Variants in DPF2 observed in about 807,000 individuals in gnomAD.
DPF2 encodes the protein zinc finger protein ubi-d4.
Under a neutral mutation model 59.6 loss-of-function variants are expected in DPF2, and 10 were observed. The ratio of observed to expected loss-of-function variants is 0.17; its 90% confidence interval spans 0.10 to 0.28. The LOEUF (loss-of-function observed/expected upper bound fraction) is 0.28. DPF2 is among the 10% of genes least tolerant of loss of function. DPF2 has a pLI of 1.00. For synonymous variants in DPF2, 189 were observed against 190.6 expected, an observed-to-expected ratio of 0.99 and a Z score of 0.07; for missense variants, 315 against 509.4, an observed-to-expected ratio of 0.62 and a Z score of 3.67.
intron 6 of DPF2, chr11:65,344,670 C>T (rs879583913): frequency 5.9e-6 from 9 of 1,522,270 alleles, no homozygotes; most frequent in Non-Finnish European, 7.9e-6. Context: ...CCCTTTTTCC[C>T]TCTTCCCTTG....
intron 10 of DPF2, 133 bp downstream of exon 10, chr11:65,349,064 GT>G: frequency 2.2e-6 from 2 of 902,776 alleles, no homozygotes; most frequent in Non-Finnish European, 3.4e-6. Context: ...CCTTGGCTCA[GT>G]TTAGAATGCC....
rs753511183 is a variant in DPF2 at position 65,351,744 on chromosome 11, C to T, written c.1161C>T (p.Asn387=). The part of the protein sequence containing the change: ...LLKEKASIYQ[N]QNSS ...AAGAGAAAGCTTCCATCTACCAGAA[C>T]CAGAACTCCTCTTGATGTGGCCACC... The change falls in exon 11 of 11, where the codon AAC becomes AAT. Residue 387 remains asparagine (N), a synonymous_variant. Transcript: ENST00000528416. 3 of 1,613,350 alleles carry T rather than the reference C, an allele frequency of 1.9e-6. No homozygotes were observed. The Admixed American group carries it at 5.0e-5, about 27-fold the overall frequency.
chr11:65,343,874 G>C (rs1854452209), intron 5 of DPF2, 37 bp downstream of exon 5: 3 of 1,582,862 alleles, frequency 1.9e-6, no homozygotes, highest in Admixed American at 3.7e-5. Context: ...CTTGGGACAG[G>C]GTGGCCTAGG....
chr11:65,340,670 C>G (rs2137691768), intron 2 of DPF2, 125 bp downstream of exon 2: 1 of 1,359,308 alleles, frequency 7.4e-7, no homozygotes, highest in East Asian at 2.3e-5. Flanking sequence ...TGAATATGGT[C>G]TTCCTGTGAT....
In DPF2 at chr11:65,333,931, T is replaced by C; in HGVS notation, c.32+13T>C. 6.2e-7 allele frequency: 1 copy of C among 1,611,572 alleles called. No individual in the cohort carries two copies. The highest frequency in any genetic ancestry group is 2.2e-5 in the East Asian group (1 of 44,686). The stretch of plus-strand genomic sequence containing the variant: ...ATGTAGTGAAGCTGTGAGTGGTCGT[T>C]TCTTTCTCTCCTAGGGCGGCAGGTT... On this transcript the variant is annotated intron_variant, in intron 1 of 10. Coordinates refer to ENST00000528416, the MANE Select transcript of DPF2 (RefSeq NM_006268.5).
chr11:65,334,047 G>GCCCTCCCCACC, intron 1 of DPF2, 129 bp downstream of exon 1: 2 of 1,347,430 alleles, frequency 1.5e-6, no homozygotes, highest in Non-Finnish European at 2.1e-6. Context: ...GACTCCTGGT[G>GCCCTCCCCACC]GGGAGGGCAA....
At chr11:65,343,577 G>T (rs1854442467) in intron 4 of DPF2, 168 bp from the exon 5 acceptor site, 3 of 620,902 alleles carry the variant, frequency 4.8e-6, no homozygotes, top group Non-Finnish European at 8.5e-6. Context: ...GTATGGAAGG[G>T]AGCAGGAGCA....
chr11:65,340,025 T>G (rs1854315455), intron 1 of DPF2, among the ~76,000 whole-genome samples: 1 of 152,206 alleles, frequency 6.6e-6, no homozygotes, highest in South Asian at 2.1e-4. Flanking sequence ...GGGACTATCA[T>G]CTGCTTCTTA....
chr11:65,344,602 C>T (rs1854474766), intron 6 of DPF2: 1 of 1,535,862 alleles, frequency 6.5e-7, no homozygotes, highest in Admixed American at 2.0e-5. Context: ...AAAAGCATAC[C>T]TCGAAAGCGC....
chr11:65,345,441 G>T (rs1854499656), intron 6 of DPF2: 2 of 576,056 alleles, frequency 3.5e-6, no homozygotes, highest in Non-Finnish European at 6.1e-6. Context: ...TGGCCATGGG[G>T]TTGGAGTTCA....
intron 1 of DPF2, among the ~76,000 whole-genome samples, chr11:65,335,176 T>A (rs1950080121): frequency 6.6e-6 from 1 of 150,596 alleles, no homozygotes; most frequent in African/African-American, 2.4e-5. Flanking sequence ...ATCTGCCCAC[T>A]CCAGTTTCCC....
At chr11:65,337,856 G>A (rs1415553226) in intron 1 of DPF2, among the ~76,000 whole-genome samples, 1 of 151,992 alleles carries the variant, frequency 6.6e-6, no homozygotes, top group Non-Finnish European at 1.5e-5. Context: ...CCAGGCTGGA[G>A]TGCAATGGCG....
chr11:65,346,213 C>T (rs766152777), intron 8 of DPF2, 34 bp from the exon 9 acceptor site: 30 of 1,608,054 alleles, frequency 1.9e-5, no homozygotes, highest in Admixed American at 1.8e-4. Flanking sequence ...CCCGCATTTC[C>T]GACTGTCTGT....
chr11:65,334,015 A>G (rs944215024), intron 1 of DPF2, 97 bp downstream of exon 1: 21 of 1,527,920 alleles, frequency 1.4e-5, no homozygotes, highest in Non-Finnish European at 1.7e-5. Context: ...AGAGAGGGAC[A>G]TCCCCGGGAA....
intron 3 of DPF2, 98 bp downstream of exon 3, chr11:65,341,171 T>C (rs1854359066): frequency 1.5e-6 from 2 of 1,344,378 alleles, no homozygotes; most frequent in African/African-American, 2.9e-5. Context: ...ATCCCAAATA[T>C]ACTCAAATGA....
intron 1 of DPF2, among the ~76,000 whole-genome samples, chr11:65,337,799 T>G (rs1854247269): frequency 6.6e-6 from 1 of 151,606 alleles, no homozygotes; most frequent in Non-Finnish European, 1.5e-5. Flanking sequence ...GTTTGTTTTG[T>G]TTTTTTTAAT....
chr11:65,349,234 GTAGAT>G (rs1854624117), intron 10 of DPF2, among the ~76,000 whole-genome samples: 2 of 152,200 alleles, frequency 1.3e-5, no homozygotes, highest in Non-Finnish European at 2.9e-5. Flanking sequence ...AACTCAAGTG[GTAGAT>G]TATCTGATGT....
chr11:65,342,532 T>C (rs1191102776), intron 4 of DPF2, among the ~76,000 whole-genome samples: 1 of 152,220 alleles, frequency 6.6e-6, no homozygotes, highest in Non-Finnish European at 1.5e-5. Flanking sequence ...TCCCTGAGGT[T>C]ACACAGTGAA....
intron 4 of DPF2, 61 bp from the exon 5 acceptor site, chr11:65,343,681 CTCA>C (rs1224891905): frequency 6.6e-7 from 1 of 1,520,108 alleles, no homozygotes; most frequent in Non-Finnish European, 8.9e-7. Context: ...CTTGGCCAGT[CTCA>C]TCATAGGGGA....
Sources: gnomAD v4.1 joint callset for allele counts (sites outside exome capture counted in the v4.1 genomes callset) on GRCh38, gnomAD v4.1.1 for gene constraint, MANE v1.5 for transcripts, NCBI Gene and HGNC (gene_info 2026-07-23, HGNC 2026-07-21) for gene names.